PPP1R14C: variants seen among roughly 807,000 people sequenced by gnomAD.
PPP1R14C encodes the protein protein phosphatase 1 regulatory subunit 14C.
In PPP1R14C, 16 loss-of-function variants were observed where a neutral mutation model predicts 20.4. That is an observed-to-expected ratio of 0.78 (90% CI 0.53 to 1.19). PPP1R14C has a LOEUF of 1.19. PPP1R14C is among the 50% of genes most tolerant of loss of function. PPP1R14C has a pLI of 0.00. For synonymous variants in PPP1R14C, 91 were observed against 91.0 expected (o/e 1.00, Z 0.00); for missense variants, 211 against 220.1 (o/e 0.96, Z 0.26).
At chr6:150,228,012 G>A (rs1778249535) in intron 3 of PPP1R14C, among the ~76,000 whole-genome samples, 1 of 152,168 alleles carries the variant, frequency 6.6e-6, no homozygotes, top group Admixed American at 6.5e-5. Flanking sequence ...GCTGGAATAG[G>A]ACCCACATTT....
intron 3 of PPP1R14C, among the ~76,000 whole-genome samples, chr6:150,243,469 C>A (rs1778456663): frequency 6.6e-6 from 1 of 152,056 alleles, no homozygotes; most frequent in South Asian, 2.1e-4. Flanking sequence ...TGAGCCACGG[C>A]ACCCAGCCCT....
At chr6:150,234,233 C>G (rs115454748) in intron 3 of PPP1R14C, among the ~76,000 whole-genome samples, 1 of 152,068 alleles carries the variant, frequency 6.6e-6, no homozygotes, top group South Asian at 2.1e-4. Context: ...ACTGACAACA[C>G]CAAGTGTTGG....
intron 3 of PPP1R14C, among the ~76,000 whole-genome samples, chr6:150,248,026 T>C (rs1453220995): frequency 2.6e-5 from 4 of 152,158 alleles, no homozygotes; most frequent in Non-Finnish European, 5.9e-5. Context: ...GCCTTTTTGC[T>C]GCGTCATGTC....
intron 3 of PPP1R14C, among the ~76,000 whole-genome samples, chr6:150,248,446 A>G (rs1778519934): frequency 6.6e-6 from 1 of 152,224 alleles, no homozygotes; most frequent in African/African-American, 2.4e-5. Flanking sequence ...TTGCATGGTA[A>G]TGTTAAATAG....
intron 1 of PPP1R14C, among the ~76,000 whole-genome samples, chr6:150,203,582 A>G (rs1339514742): frequency 6.6e-6 from 1 of 152,182 alleles, no homozygotes; most frequent in African/African-American, 2.4e-5. Flanking sequence ...TTCCCGAGGC[A>G]GGAGGTGAAA....
chr6:150,238,260 C>T (rs1042218834), intron 3 of PPP1R14C, among the ~76,000 whole-genome samples: 10 of 152,192 alleles, frequency 6.6e-5, no homozygotes, highest in African/African-American at 2.2e-4. Context: ...AAAATTATGG[C>T]AGTTAGCTGA....
At chr6:150,213,560 G>A (rs937620104) in intron 1 of PPP1R14C, among the ~76,000 whole-genome samples, 3 of 152,212 alleles carry the variant, frequency 2.0e-5, no homozygotes, top group Non-Finnish European at 4.4e-5. Context: ...TCTAGCTCCT[G>A]CAGATGCTTC....
intron 3 of PPP1R14C, among the ~76,000 whole-genome samples, chr6:150,220,765 A>G (rs550571752): frequency 6.6e-6 from 1 of 152,354 alleles, no homozygotes; most frequent in Non-Finnish European, 1.5e-5. Flanking sequence ...TCTCATGGAA[A>G]TGAGCCCGTT....
intron 3 of PPP1R14C, among the ~76,000 whole-genome samples, chr6:150,228,383 G>C (rs975753319): frequency 3.3e-5 from 5 of 152,188 alleles, no homozygotes. Context: ...ACAGGGAAAG[G>C]CTATAGTCAA....
intron 3 of PPP1R14C, among the ~76,000 whole-genome samples, chr6:150,246,962 A>G (rs374997053): frequency 6.6e-6 from 1 of 152,252 alleles, no homozygotes; most frequent in Non-Finnish European, 1.5e-5. Context: ...AGAAGAAAAT[A>G]TATTAATAGC....
At chr6:150,161,326 A>G (rs1324998754) in intron 1 of PPP1R14C, among the ~76,000 whole-genome samples, 1 of 152,150 alleles carries the variant, frequency 6.6e-6, no homozygotes, top group Non-Finnish European at 1.5e-5. Flanking sequence ...AAGATAAGGG[A>G]TGCCAAGTGT....
chr6:150,217,384 CG>C (rs1325140112), intron 3 of PPP1R14C, among the ~76,000 whole-genome samples: 1 of 151,916 alleles, frequency 6.6e-6, no homozygotes, highest in Non-Finnish European at 1.5e-5. Context: ...TTAGTAGAGA[CG>C]GGGTTTCACC....
At chr6:150,144,190 G>C (rs1287898667) in intron 1 of PPP1R14C, among the ~76,000 whole-genome samples, 2 of 152,212 alleles carry the variant, frequency 1.3e-5, no homozygotes, top group Non-Finnish European at 2.9e-5. Flanking sequence ...GAGCATCTGG[G>C]GCAACCTCGA....
chr6:150,236,640 C>CGTGT (rs1384226143), intron 3 of PPP1R14C, among the ~76,000 whole-genome samples: 5 of 110,168 alleles, frequency 4.5e-5, no homozygotes, highest in Admixed American at 2.8e-4. Flanking sequence ...TGTGTGTGTG[C>CGTGT]GCGTGTGTGT....
chr6:150,209,933 A>C (rs1008996469), intron 1 of PPP1R14C, among the ~76,000 whole-genome samples: 1 of 147,618 alleles, frequency 6.8e-6, no homozygotes, highest in Admixed American at 6.7e-5. Flanking sequence ...GTGTGTGTGC[A>C]TGTGTGTGTA....
At chr6:150,184,917 A>C (rs1012432614) in intron 1 of PPP1R14C, among the ~76,000 whole-genome samples, 1 of 152,218 alleles carries the variant, frequency 6.6e-6, no homozygotes, top group Non-Finnish European at 1.5e-5. Context: ...ATGCTTGATC[A>C]TGAAGTTATG....
intron 1 of PPP1R14C, among the ~76,000 whole-genome samples, chr6:150,144,156 T>C (rs1314892133): frequency 1.3e-5 from 2 of 152,204 alleles, no homozygotes; most frequent in Non-Finnish European, 2.9e-5. Context: ...TAAGCTCAGT[T>C]ACTCCCATTG....
At chr6:150,186,580 C>T (rs1017845176) in intron 1 of PPP1R14C, among the ~76,000 whole-genome samples, 1 of 152,200 alleles carries the variant, frequency 6.6e-6, no homozygotes, top group African/African-American at 2.4e-5. Context: ...CACACTGTGT[C>T]AGGACCTGGG....
At chr6:150,206,378 G>T (rs1287160171) in intron 1 of PPP1R14C, among the ~76,000 whole-genome samples, 2 of 152,146 alleles carry the variant, frequency 1.3e-5, no homozygotes, top group East Asian at 3.8e-4. Flanking sequence ...CTTAACCCTG[G>T]CATCTAGGAC....
Sources: allele counts gnomAD v4.1 joint callset (sites outside exome capture counted in the v4.1 genomes callset), GRCh38; gene constraint gnomAD v4.1.1; transcripts MANE v1.5; gene names NCBI Gene and HGNC (gene_info 2026-07-23, HGNC 2026-07-21).